Variants in FLT1 observed in about 807,000 individuals in gnomAD.
FLT1 encodes the protein vascular endothelial growth factor receptor 1.
FLT1 carries 49 observed loss-of-function variants against 156.3 expected under a neutral mutation model. That is an observed-to-expected ratio of 0.31 (90% confidence interval 0.25 to 0.40). The LOEUF is 0.40. Among genes scored for constraint, FLT1 ranks in the 10% least tolerant of loss-of-function variants. The pLI is 1.00. For synonymous variants in FLT1, 594 were observed against 583.8 expected, an observed-to-expected ratio of 1.02 and a Z score of -0.25; for missense variants, 1,322 against 1,637.2, an observed-to-expected ratio of 0.81 and a Z score of 3.32.
In FLT1 at chr13:28,334,057, G is replaced by A. The variant is rs767930948; in HGVS notation, c.2561C>T (p.Thr854Met). ...CATTTTCACAGCCACAGTCCGGCAC[G>A]TAGGTGATTTCTTAATGCCAAATGC... ...ASAFGIKKSPTCRTVAVKMLK... is the reference protein window; with the variant it reads ...ASAFGIKKSPMCRTVAVKMLK... The change falls in exon 18 of 30, where the codon ACG (threonine) becomes ATG (methionine). Residue 854 changes from threonine (T) to methionine (M), a missense_variant. Thr to Met is a moderately conservative substitution (Grantham distance 81, BLOSUM62 -1). Coordinates refer to ENST00000282397, the MANE Select transcript of FLT1 (RefSeq NM_002019.4). The A allele has an allele frequency of 8.7e-6, 14 of 1,613,064 alleles. No homozygotes were observed. Among genetic ancestry groups the A allele is most frequent in the South Asian group, 2.2e-5 (2 of 91,056 alleles).
intron 15 of FLT1, chr13:28,345,817 G>T (rs1872544318): frequency 5.4e-6 from 2 of 371,914 alleles, no homozygotes; most frequent in Non-Finnish European, 9.9e-6. Flanking sequence ...TGTCAAGTTT[G>T]CAAACTTTGT....
At chr13:28,424,330 T>C (rs190523207) in intron 10 of FLT1, among the ~76,000 whole-genome samples, 1 of 152,254 alleles carries the variant, frequency 6.6e-6, no homozygotes, top group Admixed American at 6.5e-5. Flanking sequence ...AGTTTAAAAG[T>C]AATCATCCTT....
At chr13:28,394,717 C>T (rs1874938467) in intron 12 of FLT1, among the ~76,000 whole-genome samples, 1 of 152,208 alleles carries the variant, frequency 6.6e-6, no homozygotes, top group South Asian at 2.1e-4. Flanking sequence ...GGTCGCAGCT[C>T]TTCCCACAAT....
rs1037455365 is a variant in FLT1, at chr13:28,382,256, C to G, written c.2116+2629G>C. Among the ~76,000 whole-genome samples, 25 of 152,146 alleles carry G rather than the reference C, an allele frequency of 1.6e-4. 1 individual carries two copies. The highest frequency in any genetic ancestry group is 3.9e-4 in the Admixed American group (6 of 15,278). On this transcript the variant is annotated intron_variant, in intron 14 of 29. Transcript: ENST00000282397. ...CCAATCTGGGTCTTAAGGGATGCGA[C>G]AAAGGAAGGGAAGGTACTCCAGGCG...
chr13:28,405,778 A>G lies in FLT1; in HGVS notation c.1551+2T>C. 1 of 1,467,290 alleles carries G rather than the reference A, an allele frequency of 6.8e-7. No individual in the cohort carries two copies. Among genetic ancestry groups the G allele is most frequent in the Non-Finnish European group, 9.6e-7 (1 of 1,046,640 alleles). 90.9% of individuals were successfully genotyped at this position (1,467,290 alleles called of 1,614,324 possible). ...CCCAGTGCGCATTTTTACAAACAATACCTTATTCTTTCCTTCTATTATTGC... is the reference window on the plus strand; with the variant it reads ...CCCAGTGCGCATTTTTACAAACAATGCCTTATTCTTTCCTTCTATTATTGC... On this transcript the variant is annotated splice_donor_variant, in intron 11 of 29. Transcript: ENST00000282397. LOFTEE classifies it high-confidence loss of function.
chr13:28,322,268 G>T lies in FLT1; in HGVS notation c.3045C>A (p.Ser1015=). 6.3e-7 allele frequency: 1 copy of T among 1,596,702 alleles called. No individual in the cohort carries two copies. The highest frequency in any genetic ancestry group is 8.6e-7 in the Non-Finnish European group (1 of 1,164,126). The change falls in exon 22 of 30, where the codon TCC becomes TCA. Residue 1015 remains serine (S), a synonymous_variant. Transcript: ENST00000282397. This position sits in a 1 kb window ranked among gnomAD's most constrained non-coding sequence, Gnocchi z 4.3. The part of the protein sequence containing the change: ...QVARGMEFLS[S]RKCIHRDLAA... Reference sequence around the variant, plus strand: ...AGTAAACAGCAAGACTGACCTTTCTGGAAGACAGGAACTCCATGCCTCTGG... The same window carrying T: ...AGTAAACAGCAAGACTGACCTTTCTTGAAGACAGGAACTCCATGCCTCTGG...
intron 14 of FLT1, among the ~76,000 whole-genome samples, chr13:28,360,785 G>A (rs546032230): frequency 2.8e-4 from 43 of 152,216 alleles, no homozygotes; most frequent in African/African-American, 1.0e-3. Flanking sequence ...ACACAGCAAA[G>A]TGACAACAGC....
At chr13:28,381,836 T>A (rs903146788) in intron 14 of FLT1, among the ~76,000 whole-genome samples, 1 of 152,194 alleles carries the variant, frequency 6.6e-6, no homozygotes, top group African/African-American at 2.4e-5. Context: ...CCCACCCCCA[T>A]GCCAAATCGA....
chr13:28,381,834 C>T (rs1440555763), intron 14 of FLT1, among the ~76,000 whole-genome samples: 3 of 152,188 alleles, frequency 2.0e-5, no homozygotes, highest in African/African-American at 7.2e-5. Context: ...GCCCCACCCC[C>T]ATGCCAAATC....
At chr13:28,491,095 T>C (rs1326274417) in intron 1 of FLT1, among the ~76,000 whole-genome samples, 1 of 152,218 alleles carries the variant, frequency 6.6e-6, no homozygotes, top group Non-Finnish European at 1.5e-5. Flanking sequence ...CTCTGCTGTG[T>C]AGATCTCAAT....
intron 23 of FLT1, among the ~76,000 whole-genome samples, chr13:28,319,796 C>A (rs1378447956): frequency 1.3e-5 from 2 of 152,198 alleles, no homozygotes; most frequent in African/African-American, 2.4e-5. Flanking sequence ...ATCTGCATAG[C>A]TCTGTGAGAA....
chr13:28,318,281 G>A (rs775848943), intron 24 of FLT1, among the ~76,000 whole-genome samples: 2 of 152,138 alleles, frequency 1.3e-5, no homozygotes, highest in Non-Finnish European at 2.9e-5. Context: ...GGGGCTTTGC[G>A]CTCCAGGGCT....
At chr13:28,368,596 T>A in intron 14 of FLT1, 1 of 1,456,044 alleles carries the variant, frequency 6.9e-7, no homozygotes, top group Non-Finnish European at 9.4e-7. Flanking sequence ...ATGATGATGA[T>A]GACGATGATG....
At position 28,322,430 on chromosome 13, in the gene FLT1, C is replaced by G. The variant is rs1871499059; in HGVS notation, c.2954-71G>C. The G allele has an allele frequency of 1.0e-6, 1 of 993,746 alleles. No individual in the cohort carries two copies. The highest frequency in any genetic ancestry group is 1.8e-5 in the Admixed American group (1 of 56,814). The allele number at this position is 993,746 out of a possible 1,614,324, so 61.6% of individuals were successfully genotyped here. On this transcript the variant is annotated intron_variant, in intron 21 of 29. Coordinates refer to ENST00000282397, the MANE Select transcript of FLT1 (RefSeq NM_002019.4). This position sits in a 1 kb window ranked among gnomAD's most constrained non-coding sequence, Gnocchi z 4.3. ...CCCACCAAATCCCAGTTTATTGGAA[C>G]AATGTTAGCAAAACATAAAACAAAC...
intron 3 of FLT1, among the ~76,000 whole-genome samples, chr13:28,462,778 TCCC>T (rs1415743222): frequency 6.6e-6 from 1 of 151,974 alleles, no homozygotes; most frequent in Non-Finnish European, 1.5e-5. Context: ...GGCCAACGAA[TCCC>T]CCAATTCTGT....
intron 1 of FLT1, among the ~76,000 whole-genome samples, chr13:28,481,642 T>C (rs1298610185): frequency 3.9e-5 from 6 of 152,246 alleles, no homozygotes; most frequent in African/African-American, 7.2e-5. Flanking sequence ...ATTGCAAAGA[T>C]GGGTCAGAAA....
In FLT1 at chr13:28,321,430, C is replaced by T. The variant is rs540512492; in HGVS notation, c.3174+33G>A. 8.2e-5 allele frequency: 132 copies of T among 1,611,286 alleles called. 2 individuals are homozygous for T. In the South Asian group the frequency reaches 1.4e-3, roughly 17 times the overall value. ...TCTGTGGTTTAAAAGTGATAGGACACACATGAGTCAAATAAACATCAAACT... is the reference window on the plus strand; with the variant it reads ...TCTGTGGTTTAAAAGTGATAGGACATACATGAGTCAAATAAACATCAAACT... On this transcript the variant is annotated intron_variant, in intron 23 of 29. Coordinates refer to ENST00000282397, the MANE Select transcript of FLT1 (RefSeq NM_002019.4).
chr13:28,418,231 C>T (rs1433056893), intron 10 of FLT1, among the ~76,000 whole-genome samples: 1 of 152,172 alleles, frequency 6.6e-6, no homozygotes, highest in Non-Finnish European at 1.5e-5. Context: ...GTTTATACTC[C>T]AGTTTCTACT....
At chr13:28,428,392 T>G (rs1428688889) in intron 8 of FLT1, among the ~76,000 whole-genome samples, 1 of 151,990 alleles carries the variant, frequency 6.6e-6, no homozygotes. Flanking sequence ...TTATAAATGG[T>G]CACACCAGTT....
Sources: gnomAD v4.1 joint callset for allele counts (sites outside exome capture counted in the v4.1 genomes callset) on GRCh38, gnomAD v4.1.1 for gene constraint, Gnocchi (gnomAD v3.1) non-coding constraint, MANE v1.5 for transcripts, NCBI Gene and HGNC (gene_info 2026-07-23, HGNC 2026-07-21) for gene names.